Variants in GLIS3 observed in about 807,000 individuals in gnomAD.
The protein encoded by GLIS3 is GLIS family zinc finger 3.
A neutral mutation model predicts 78.6 loss-of-function variants in GLIS3; 53 were observed. That is an observed-to-expected ratio of 0.67 (90% CI 0.54 to 0.85). The LOEUF is 0.85. Ranked by LOEUF, GLIS3 falls within the 40% of genes least tolerant of loss-of-function variation. The pLI, the probability that GLIS3 is intolerant of heterozygous loss-of-function variation, is 0.00. For missense variants in GLIS3, 1,703 were observed against 1,231.1 expected (o/e 1.38, Z -5.74); for synonymous variants, 684 against 509.9 (o/e 1.34, Z -4.60).
intron 1 of GLIS3, among the ~76,000 whole-genome samples, chr9:4,296,810 G>C (rs1004360063): frequency 6.7e-6 from 1 of 150,254 alleles, no homozygotes; most frequent in Admixed American, 6.7e-5. Context: ...GGTAGCCTCA[G>C]AGCTAGTCTG....
intron 4 of GLIS3, among the ~76,000 whole-genome samples, chr9:4,041,735 T>C (rs1243895758): frequency 6.6e-6 from 1 of 152,188 alleles, no homozygotes; most frequent in Non-Finnish European, 1.5e-5. Flanking sequence ...TCCAGAAAGA[T>C]GTTCTGAAGA....
chr9:3,991,565 C>G (rs966247849), intron 4 of GLIS3, among the ~76,000 whole-genome samples: 1 of 151,666 alleles, frequency 6.6e-6, no homozygotes, highest in African/African-American at 2.4e-5. Flanking sequence ...ACATGGTAAT[C>G]GATGGAACTA....
At chr9:4,212,699 C>T (rs1416876133) in intron 2 of GLIS3, among the ~76,000 whole-genome samples, 1 of 152,160 alleles carries the variant, frequency 6.6e-6, no homozygotes, top group African/African-American at 2.4e-5. Context: ...GCAGAGGAAA[C>T]AGCAGATACA....
At chr9:4,083,194 G>C (rs1472078321) in intron 4 of GLIS3, among the ~76,000 whole-genome samples, 1 of 152,188 alleles carries the variant, frequency 6.6e-6, no homozygotes, top group East Asian at 1.9e-4. Context: ...CAAGTGGTGT[G>C]TGTGTTTATG....
the GLIS3 span, among the ~76,000 whole-genome samples, chr9:4,364,981 T>C: frequency 4.6e-5 from 7 of 152,116 alleles, no homozygotes; most frequent in African/African-American, 1.4e-4. Context: ...AACTACACAG[T>C]GATTTTTATT....
At chr9:4,411,439 A>C in the GLIS3 span, among the ~76,000 whole-genome samples, 1 of 152,222 alleles carries the variant, frequency 6.6e-6, no homozygotes, top group African/African-American at 2.4e-5. Context: ...GTTCTTGTAC[A>C]TATTTTTTAG....
chr9:4,241,614 A>T (rs939591686), intron 2 of GLIS3, among the ~76,000 whole-genome samples: 26 of 152,106 alleles, frequency 1.7e-4, no homozygotes, highest in African/African-American at 2.9e-4. Context: ...ATCAATTTTT[A>T]AAAAAAATTT....
chr9:4,192,975 A>C (rs1011583106), intron 2 of GLIS3, among the ~76,000 whole-genome samples: 2 of 152,256 alleles, frequency 1.3e-5, no homozygotes, highest in South Asian at 4.1e-4. Flanking sequence ...AGTGCAAGCT[A>C]TGAACTGGCA....
chr9:3,903,720 C>T (rs557244313), intron 6 of GLIS3, among the ~76,000 whole-genome samples: 1 of 151,950 alleles, frequency 6.6e-6, no homozygotes, highest in Admixed American at 6.6e-5. Flanking sequence ...AAACAGTAAA[C>T]TAACTAAATA....
At chr9:4,047,889 C>A (rs1227948195) in intron 4 of GLIS3, among the ~76,000 whole-genome samples, 1 of 152,174 alleles carries the variant, frequency 6.6e-6, no homozygotes, top group Non-Finnish European at 1.5e-5. Flanking sequence ...GGCCAGTAAA[C>A]TTTTGTGAGA....
intron 6 of GLIS3, among the ~76,000 whole-genome samples, chr9:3,905,027 C>T (rs1036648166): frequency 4.6e-5 from 7 of 150,704 alleles, no homozygotes; most frequent in South Asian, 2.1e-4. Context: ...GGCCGGAGTG[C>T]AGTGGCGCGA....
chr9:3,907,654 ACT>A (rs1563837100), intron 6 of GLIS3, among the ~76,000 whole-genome samples: 4 of 147,726 alleles, frequency 2.7e-5, no homozygotes, highest in East Asian at 3.9e-4. Context: ...ACACACACAC[ACT>A]ACTAAACAGT....
intron 6 of GLIS3, among the ~76,000 whole-genome samples, chr9:3,905,259 G>A (rs1051014343): frequency 1.3e-5 from 2 of 150,076 alleles, no homozygotes; most frequent in Admixed American, 1.3e-4. Flanking sequence ...CAAAGTGCTG[G>A]GATTACAGGC....
chr9:3,997,042 T>C (rs925506838), intron 4 of GLIS3, among the ~76,000 whole-genome samples: 1 of 152,188 alleles, frequency 6.6e-6, no homozygotes, highest in Non-Finnish European at 1.5e-5. Flanking sequence ...CTACATGGCC[T>C]AGACACCTTA....
chr9:4,062,364 G>C (rs1330897419), intron 4 of GLIS3, among the ~76,000 whole-genome samples: 2 of 152,088 alleles, frequency 1.3e-5, no homozygotes, highest in African/African-American at 4.8e-5. Flanking sequence ...GGAAAGAAGG[G>C]GTTCTAAACT....
rs1359349584 is a variant in GLIS3, at chr9:4,324,737, T to G, written n.265-14209A>C. On this transcript the variant is annotated intron_variant and non_coding_transcript_variant, in intron 2 of 4. Coordinates refer to the GLIS3 transcript ENST00000471664. ...CAATGACTCAGCAAGCACCATTTTC[T>G]GTAAATCACTTGATTTGCTTTGTAC... 2.0e-5 allele frequency among the ~76,000 whole-genome samples: 3 copies of G among 152,376 alleles called. No homozygotes were observed. In the East Asian group the frequency reaches 5.8e-4, roughly 29 times the overall value.
Position 4,013,068 on chromosome 9 carries a change from T to C in GLIS3, c.1711-75879A>G, listed in dbSNP as rs148984536. On this transcript the variant is annotated intron_variant, in intron 4 of 10. Coordinates refer to ENST00000381971, the MANE Select transcript of GLIS3 (RefSeq NM_001042413.2). ...GATTACAGGTGTCTCTGGTTTCTTA[T>C]ATGGAAATAGAGCAAAAATGTGGTA... is the stretch of plus-strand genomic sequence containing the variant. 9.9e-5 allele frequency among the ~76,000 whole-genome samples: 15 copies of C among 152,256 alleles called. No homozygotes were observed. In the East Asian group the frequency reaches 2.7e-3, roughly 27 times the overall value.
Position 4,243,397 on chromosome 9 carries a change from C to CGT in GLIS3, c.388+42640_388+42641insAC, listed in dbSNP as rs76856037. ...ACATGTTTACACATGCACACATACA[C>CGT]GCACACACACACACACATACGCATA... On this transcript the variant is annotated intron_variant, in intron 2 of 10. Coordinates refer to ENST00000381971, the MANE Select transcript of GLIS3 (RefSeq NM_001042413.2). Among the ~76,000 whole-genome samples the CGT allele has an allele frequency of 1.3e-3, 13 of 10,276 alleles. No individual in the cohort carries two copies. In the East Asian group the frequency reaches 0.3, roughly 237 times the overall value. 6.7% of individuals were successfully genotyped at this position (10,276 alleles called of 152,430 possible).
At chr9:4,195,363 G>A (rs1025559510) in intron 2 of GLIS3, among the ~76,000 whole-genome samples, 2 of 152,212 alleles carry the variant, frequency 1.3e-5, no homozygotes, top group African/African-American at 4.8e-5. Flanking sequence ...TTCTGGGTGG[G>A]CGTGGGCTTG....
Sources: allele counts gnomAD v4.1 joint callset (sites outside exome capture counted in the v4.1 genomes callset), GRCh38; gene constraint gnomAD v4.1.1; transcripts MANE v1.5; gene names NCBI Gene and HGNC (gene_info 2026-07-23, HGNC 2026-07-21).